Variants in KCNJ6 observed in about 807,000 individuals in gnomAD.
KCNJ6 encodes the protein potassium inwardly rectifying channel subfamily J member 6.
Under a neutral mutation model 34.2 loss-of-function variants are expected in KCNJ6, and 9 were observed. The ratio of observed to expected loss-of-function variants is 0.26; its 90% CI spans 0.16 to 0.46. KCNJ6 has a LOEUF of 0.46. KCNJ6 is among the 20% of genes least tolerant of loss of function. The probability of loss-of-function intolerance (pLI) is 1.00; values close to 1 mark genes in which losing one functional copy is unlikely to be tolerated. For synonymous variants in KCNJ6, 196 were observed against 207.1 expected (o/e 0.95, Z 0.46); for missense variants, 236 against 531.3 (o/e 0.44, Z 5.46).
At chr21:37,912,483 T>C (rs1568893904) in intron 1 of KCNJ6, among the ~76,000 whole-genome samples, 1 of 152,228 alleles carries the variant, frequency 6.6e-6, no homozygotes, top group Non-Finnish European at 1.5e-5. Flanking sequence ...TACATTACTT[T>C]GTTTATCTAA....
chr21:37,710,283 C>T (rs1515056), intron 3 of KCNJ6, among the ~76,000 whole-genome samples: 1 of 151,986 alleles, frequency 6.6e-6, no homozygotes, highest in Non-Finnish European at 1.5e-5. Flanking sequence ...GGTATGATAG[C>T]TATGTTTTTA....
chr21:37,789,945 G>A (rs996312428), intron 2 of KCNJ6, among the ~76,000 whole-genome samples: 6 of 152,164 alleles, frequency 3.9e-5, no homozygotes, highest in East Asian at 1.9e-4. Flanking sequence ...TTCAAAGGCC[G>A]CTACATACCC....
At chr21:37,848,099 C>T (rs2055519064) in intron 1 of KCNJ6, among the ~76,000 whole-genome samples, 1 of 152,168 alleles carries the variant, frequency 6.6e-6, no homozygotes, top group African/African-American at 2.4e-5. Flanking sequence ...GGCCAGACAG[C>T]TGCTCAGGAG....
chr21:37,872,791 A>T (rs552845984), intron 1 of KCNJ6, among the ~76,000 whole-genome samples: 13 of 152,270 alleles, frequency 8.5e-5, no homozygotes, highest in African/African-American at 3.1e-4. Context: ...ATGTCATGGG[A>T]GGGAACTGGT....
intron 1 of KCNJ6, among the ~76,000 whole-genome samples, chr21:37,875,827 G>A (rs772631549): frequency 1.4e-4 from 22 of 152,170 alleles, no homozygotes; most frequent in Non-Finnish European, 3.1e-4. Context: ...CACCTCCGGT[G>A]GGCCTCTCAG....
chr21:37,710,526 G>A (rs149752400), intron 3 of KCNJ6, among the ~76,000 whole-genome samples: 11 of 152,294 alleles, frequency 7.2e-5, no homozygotes, highest in Admixed American at 5.9e-4. Flanking sequence ...AAGGCTTAAC[G>A]GGGACTCATC....
At chr21:37,832,913 C>T (rs1025297487) in intron 2 of KCNJ6, among the ~76,000 whole-genome samples, 6 of 152,188 alleles carry the variant, frequency 3.9e-5, no homozygotes, top group South Asian at 2.1e-4. Context: ...CCAATTCTGT[C>T]GCCCCTTTCC....
chr21:37,863,454 G>T (rs919858304), intron 1 of KCNJ6, among the ~76,000 whole-genome samples: 2 of 152,136 alleles, frequency 1.3e-5, no homozygotes, highest in Admixed American at 6.5e-5. Context: ...GACTTGAAAG[G>T]GCTGTGTCCA....
intron 2 of KCNJ6, among the ~76,000 whole-genome samples, chr21:37,811,611 C>T (rs1433406487): frequency 6.6e-6 from 1 of 152,180 alleles, no homozygotes; most frequent in Non-Finnish European, 1.5e-5. Context: ...ATAAACAGTG[C>T]TTTTCCAGAG....
chr21:37,768,317 T>A (rs960136159), intron 2 of KCNJ6, among the ~76,000 whole-genome samples: 10 of 152,188 alleles, frequency 6.6e-5, no homozygotes, highest in African/African-American at 2.4e-4. Flanking sequence ...AAGGTGCTGT[T>A]CTATTTCAGC....
chr21:37,812,535 G>A (rs1282953908), intron 2 of KCNJ6, among the ~76,000 whole-genome samples: 1 of 152,112 alleles, frequency 6.6e-6, no homozygotes, highest in Non-Finnish European at 1.5e-5. Flanking sequence ...CTAGTTAACT[G>A]TATTCAACAA....
At position 37,772,062 on chromosome 21, in the gene KCNJ6, A is replaced by G. The variant is rs62221962; in HGVS notation, c.26-56931T>C. 9.7e-3 allele frequency among the ~76,000 whole-genome samples: 1,478 copies of G among 152,300 alleles called. 30 individuals are homozygous for G. Among genetic ancestry groups the G allele is most frequent in the African/African-American group, 0.034 (1,420 of 41,548 alleles). On this transcript the variant is annotated intron_variant, in intron 2 of 3. Transcript: ENST00000609713. ...CACACATCTATGGCCCATAAATAAA[A>G]TTATCTCATCTGCATCTTATTAGCT...
At chr21:37,801,099 T>C (rs117461586) in intron 2 of KCNJ6, among the ~76,000 whole-genome samples, 1 of 152,288 alleles carries the variant, frequency 6.6e-6, no homozygotes, top group East Asian at 1.9e-4. Context: ...CTTTTCAGAA[T>C]CAGATAGCTG....
At chr21:37,639,848 ACT>A (rs757564871) in intron 3 of KCNJ6, among the ~76,000 whole-genome samples, 6 of 151,172 alleles carry the variant, frequency 4.0e-5, no homozygotes, top group Non-Finnish European at 8.9e-5. Flanking sequence ...CATTTCCCTG[ACT>A]CTCTCTCTCT....
chr21:37,745,289 T>C (rs1053740879), intron 2 of KCNJ6, among the ~76,000 whole-genome samples: 2 of 151,984 alleles, frequency 1.3e-5, no homozygotes, highest in African/African-American at 4.8e-5. Flanking sequence ...TATTTATTTA[T>C]TTCTATATTT....
chr21:37,799,214 C>T (rs550569024), intron 2 of KCNJ6, among the ~76,000 whole-genome samples: 1 of 152,258 alleles, frequency 6.6e-6, no homozygotes, highest in African/African-American at 2.4e-5. Flanking sequence ...AGGATAATGG[C>T]CCCCAGCTCC....
chr21:37,649,461 C>G (rs946081148), intron 3 of KCNJ6, among the ~76,000 whole-genome samples: 2 of 152,140 alleles, frequency 1.3e-5, no homozygotes, highest in Non-Finnish European at 2.9e-5. Context: ...TTTTTTAAGT[C>G]GAAAAAGCTC....
At chr21:37,793,098 T>G (rs923925116) in intron 2 of KCNJ6, among the ~76,000 whole-genome samples, 10 of 152,206 alleles carry the variant, frequency 6.6e-5, no homozygotes, top group Non-Finnish European at 1.2e-4. Flanking sequence ...CAGGATAGGA[T>G]GGCCTAACCC....
intron 2 of KCNJ6, among the ~76,000 whole-genome samples, chr21:37,833,923 T>C (rs1325019301): frequency 6.6e-6 from 1 of 152,218 alleles, no homozygotes; most frequent in African/African-American, 2.4e-5. Flanking sequence ...TGACTCCTTC[T>C]ACCACCTGCA....
Sources: gnomAD v4.1 joint callset for allele counts (sites outside exome capture counted in the v4.1 genomes callset) on GRCh38, gnomAD v4.1.1 for gene constraint, MANE v1.5 for transcripts, NCBI Gene and HGNC (gene_info 2026-07-23, HGNC 2026-07-21) for gene names.